Variants in VPS13D observed in about 807,000 individuals in gnomAD.
VPS13D encodes intermembrane lipid transfer protein VPS13D.
In VPS13D, 187 loss-of-function variants were observed where a neutral mutation model predicts 461.9. That is an observed-to-expected ratio of 0.40 (90% CI 0.36 to 0.46). The LOEUF (loss-of-function observed/expected upper bound fraction) is 0.46. Among genes scored for constraint, VPS13D ranks in the 20% least tolerant of loss-of-function variants. The pLI is 0.60. For synonymous variants in VPS13D, 1,951 were observed against 1,986.3 expected, an observed-to-expected ratio of 0.98 and a Z score of 0.47; for missense variants, 4,711 against 5,364.9, an observed-to-expected ratio of 0.88 and a Z score of 3.81.
At position 12,497,593 on chromosome 1, in the gene VPS13D, G is replaced by A; in HGVS notation, c.12756G>A (p.Glu4252=). 2 of 1,614,052 alleles carry A rather than the reference G, an allele frequency of 1.2e-6. No homozygotes were observed. The highest frequency in any genetic ancestry group is 2.2e-5 in the South Asian group (2 of 91,078). The change falls in exon 68 of 70, where the codon GAG becomes GAA. Residue 4252 remains glutamate, a synonymous_variant. Coordinates refer to ENST00000620676, the MANE Select transcript of VPS13D (RefSeq NM_015378.4). ...CTGAGAGCCAGGCGGAAGGACAGGAGCAGCTCTTCAAACTCACAGACAACA... is the reference window on the plus strand; with the variant it reads ...CTGAGAGCCAGGCGGAAGGACAGGAACAGCTCTTCAAACTCACAGACAACA... ...RYSESQAEGQ[E]QLFKLTDNIQ... is the part of the protein sequence containing the mutation.
Position 12,369,599 on chromosome 1 carries a change from G to C in VPS13D, c.10705G>C (p.Ala3569Pro), listed in dbSNP as rs1456103793. 1 of 1,614,174 alleles carries C rather than the reference G, an allele frequency of 6.2e-7. No homozygotes were observed. Among genetic ancestry groups the C allele is most frequent in the Non-Finnish European group, 8.5e-7 (1 of 1,180,034 alleles). ...TTTTATCACTCTGACTGTTAAAGGG[G>C]CAGGGTCCTCTGAGATCAACTGCAA... ...PPFITLTVKG[A>P]GSSEINCNMN... Residue 3569 changes from alanine (A) to proline (P), a missense_variant, in exon 54 of 70, where the codon GCA becomes CCA. Physicochemically the swap from Ala to Pro is conservative, Grantham distance 27. Coordinates refer to ENST00000620676, the MANE Select transcript of VPS13D (RefSeq NM_015378.4).
intron 68 of VPS13D, chr1:12,500,067 C>T (rs746570027): frequency 1.0e-6 from 1 of 985,292 alleles, no homozygotes; most frequent in Non-Finnish European, 1.2e-6. Context: ...TGTTTCACTT[C>T]TGGAAAATAT....
At chr1:12,242,238 A>G (rs1185734033) in intron 2 of VPS13D, among the ~76,000 whole-genome samples, 4 of 152,192 alleles carry the variant, frequency 2.6e-5, no homozygotes, top group African/African-American at 9.6e-5. Context: ...GTTTAGATGA[A>G]GCGTATGGGC....
At chr1:12,375,595 G>A (rs1644186806) in intron 55 of VPS13D, among the ~76,000 whole-genome samples, 1 of 152,166 alleles carries the variant, frequency 6.6e-6, no homozygotes, top group African/African-American at 2.4e-5. Context: ...CGTCACCACA[G>A]TTGTCCCATG....
At chr1:12,287,768 T>TCTCA (rs113287032) in intron 21 of VPS13D, among the ~76,000 whole-genome samples, 2 of 152,296 alleles carry the variant, frequency 1.3e-5, no homozygotes, top group African/African-American at 4.8e-5. Context: ...TTAGGTGAAG[T>TCTCA]CTCAGTTGGT....
chr1:12,277,699 G>A lies in VPS13D; in HGVS notation c.4111G>A (p.Asp1371Asn). 6.2e-7 allele frequency: 1 copy of A among 1,614,172 alleles called. No individual in the cohort carries two copies. Among genetic ancestry groups the A allele is most frequent in the Non-Finnish European group, 8.5e-7 (1 of 1,180,030 alleles). ...YGFDLASSHL[D>N]TVKLILNINI... is the part of the protein sequence containing the mutation. The stretch of plus-strand genomic sequence containing the variant: ...GTTTGACCTAGCTTCGTCTCATTTG[G>A]ACACTGTAAAGCTAATCTTGAACAT... Residue 1371 changes from aspartate to asparagine, a missense_variant, in exon 19 of 70, where the codon GAC becomes AAC. Asp to Asn is a conservative substitution (Grantham distance 23). Coordinates refer to ENST00000620676, the MANE Select transcript of VPS13D (RefSeq NM_015378.4).
chr1:12,245,043 C>G (rs904569414), intron 5 of VPS13D, among the ~76,000 whole-genome samples: 2 of 152,176 alleles, frequency 1.3e-5, no homozygotes, highest in Non-Finnish European at 2.9e-5. Flanking sequence ...TGCCTGGTCT[C>G]TAGTTGGTTA....
In VPS13D at chr1:12,273,103, A is replaced by C. The variant is rs1222789860; in HGVS notation, c.2204A>C (p.Asp735Ala). The C allele has an allele frequency of 2.5e-6, 4 of 1,614,018 alleles. No individual in the cohort carries two copies. The highest frequency in any genetic ancestry group is 2.5e-6 in the Non-Finnish European group (3 of 1,180,002). The change falls in exon 18 of 70, where the codon GAT becomes GCT. Residue 735 changes from aspartate to alanine, a missense_variant. This residue lies in a region of VPS13D where 4,411 missense variants were observed against 4,937.8 expected (regional missense o/e 0.89). Coordinates refer to ENST00000620676, the MANE Select transcript of VPS13D (RefSeq NM_015378.4). Reference sequence around the variant, plus strand: ...AAGAATCCTGTGTTAGTTGTCGTGGATCTAGGAAGAATGCTTTTGACGAAC... The same window carrying C: ...AAGAATCCTGTGTTAGTTGTCGTGGCTCTAGGAAGAATGCTTTTGACGAAC... ...KFKNPVLVVV[D>A]LGRMLLTNTQ...
In VPS13D at chr1:12,273,125, G is replaced by T. The variant is rs201238472; in HGVS notation, c.2226G>T (p.Thr742=). The change falls in exon 18 of 70, where the codon ACG becomes ACT. Residue 742 remains threonine (T), a synonymous_variant. Coordinates refer to ENST00000620676, the MANE Select transcript of VPS13D (RefSeq NM_015378.4). ...VVVDLGRMLL[T]NTQDNSRRKS... ...TGGATCTAGGAAGAATGCTTTTGAC[G>T]AACACCCAAGGTATAGTGTGAGTGG... 1.2e-6 allele frequency: 2 copies of T among 1,613,812 alleles called. No individual in the cohort carries two copies. Among genetic ancestry groups the T allele is most frequent in the African/African-American group, 2.7e-5 (2 of 74,892 alleles).
At chr1:12,362,263 T>C (rs1643962144) in intron 50 of VPS13D, among the ~76,000 whole-genome samples, 1 of 152,228 alleles carries the variant, frequency 6.6e-6, no homozygotes, top group Non-Finnish European at 1.5e-5. Context: ...TTTAGAACAT[T>C]ACAGAATCCA....
At chr1:12,346,752 A>T (rs1293545544) in intron 44 of VPS13D, 100 bp downstream of exon 44, 2 of 1,143,698 alleles carry the variant, frequency 1.7e-6, no homozygotes. Context: ...AAACTTTATG[A>T]CATATATGCG....
At chr1:12,268,095 G>A (rs1641326939) in intron 15 of VPS13D, among the ~76,000 whole-genome samples, 175 bp downstream of exon 15, 1 of 151,970 alleles carries the variant, frequency 6.6e-6, no homozygotes, top group African/African-American at 2.4e-5. Flanking sequence ...GATTACTGGT[G>A]TGTGCCACCA....
At chr1:12,317,952 A>T (rs1642933913) in intron 30 of VPS13D, 120 bp from the exon 31 acceptor site, 1 of 976,952 alleles carries the variant, frequency 1.0e-6, no homozygotes, top group Non-Finnish European at 1.5e-6. Context: ...TGATACTCAA[A>T]GCAGGCAGTT....
intron 60 of VPS13D, 109 bp downstream of exon 60, chr1:12,386,443 T>C: frequency 7.8e-7 from 1 of 1,286,810 alleles, no homozygotes; most frequent in East Asian, 2.6e-5. Context: ...GGAAATATCT[T>C]GTGGCCTTCA....
At chr1:12,269,625 A>AC (rs1641374290) in intron 16 of VPS13D, among the ~76,000 whole-genome samples, 1 of 152,238 alleles carries the variant, frequency 6.6e-6, no homozygotes, top group African/African-American at 2.4e-5. Context: ...TTGTAAATGT[A>AC]ATCACTGATT....
chr1:12,402,327 C>T (rs1335123513), intron 62 of VPS13D, among the ~76,000 whole-genome samples: 1 of 152,218 alleles, frequency 6.6e-6, no homozygotes, highest in African/African-American at 2.4e-5. Flanking sequence ...TTCCTCATCA[C>T]AGCCTTTCCT....
intron 6 of VPS13D, among the ~76,000 whole-genome samples, chr1:12,252,006 G>A (rs925986269): frequency 2.0e-5 from 3 of 152,090 alleles, no homozygotes; most frequent in Non-Finnish European, 4.4e-5. Flanking sequence ...GGCTGCTGAC[G>A]GTCATTGAGA....
At chr1:12,298,475 C>G (rs1485361994) in intron 24 of VPS13D, among the ~76,000 whole-genome samples, 1 of 151,988 alleles carries the variant, frequency 6.6e-6, no homozygotes, top group East Asian at 1.9e-4. Context: ...CCCCATCTCT[C>G]CTAAAAATAC....
At chr1:12,268,617 G>A in intron 15 of VPS13D, 89 bp from the exon 16 acceptor site, 1 of 1,370,804 alleles carries the variant, frequency 7.3e-7, no homozygotes, top group Non-Finnish European at 9.9e-7. Flanking sequence ...TTTAGAAAAT[G>A]TCTGTTTTTC....
Sources: allele counts gnomAD v4.1 joint callset (sites outside exome capture counted in the v4.1 genomes callset), GRCh38; gene constraint gnomAD v4.1.1; regional missense constraint gnomAD v4.1.1; transcripts MANE v1.5; gene names NCBI Gene and HGNC (gene_info 2026-07-23, HGNC 2026-07-21).